Variants in ACSL3 observed in about 807,000 individuals in gnomAD.
ACSL3 encodes acyl-CoA synthetase long chain family member 3.
Under a neutral mutation model 84.7 loss-of-function variants are expected in ACSL3, and 34 were observed. The ratio of observed to expected loss-of-function variants is 0.40; its 90% confidence interval spans 0.31 to 0.53. ACSL3 has a LOEUF of 0.53. Among genes scored for constraint, ACSL3 ranks in the 20% least tolerant of loss-of-function variants. ACSL3 has a pLI of 0.48. For missense variants in ACSL3, 680 were observed against 873.1 expected, an observed-to-expected ratio of 0.78 and a Z score of 2.79; for synonymous variants, 315 against 299.4, an observed-to-expected ratio of 1.05 and a Z score of -0.54.
In ACSL3 at chr2:222,916,426, C is replaced by A; in HGVS notation, c.486C>A (p.Ile162=). Residue 162 remains isoleucine, a synonymous_variant, in exon 5 of 17, where the codon ATC becomes ATA. Coordinates refer to ENST00000357430, the MANE Select transcript of ACSL3 (RefSeq NM_004457.5). ...TGGGTCAGAAACCAAAGACCAACAT[C>A]GCCATCTTCTGTGAGACCAGGGCCG... ...QMLGQKPKTN[I]AIFCETRAEW... The A allele has an allele frequency of 3.1e-6, 5 of 1,614,040 alleles. No homozygotes were observed. The highest frequency in any genetic ancestry group is 4.2e-6 in the Non-Finnish European group (5 of 1,179,956).
rs567598185 is a variant in ACSL3, at chr2:222,883,834, G to C, written c.-206-3996G>C. On this transcript the variant is annotated intron_variant, in intron 1 of 16. Coordinates refer to ENST00000357430, the MANE Select transcript of ACSL3 (RefSeq NM_004457.5). Reference sequence around the variant, plus strand: ...CTTTTGCTCTTCTTTATCTGGAAAAGAGTCTCCACCTCATTTTCTGACACT... The same window carrying C: ...CTTTTGCTCTTCTTTATCTGGAAAACAGTCTCCACCTCATTTTCTGACACT... Among the ~76,000 whole-genome samples the C allele has an allele frequency of 2.4e-4, 37 of 152,100 alleles. 1 individual carries two copies. In the South Asian group the frequency reaches 7.0e-3, roughly 29 times the overall value.
intron 1 of ACSL3, among the ~76,000 whole-genome samples, chr2:222,870,061 G>A (rs1195991600): frequency 6.6e-6 from 1 of 151,714 alleles, no homozygotes; most frequent in Non-Finnish European, 1.5e-5. Flanking sequence ...TGAGACTGGT[G>A]GTGTGGCATT....
In ACSL3 at chr2:222,903,021, C is replaced by T. The variant is rs980045954; in HGVS notation, c.-41+2241C>T. On this transcript the variant is annotated intron_variant, in intron 3 of 16. Transcript: ENST00000357430. ...GCCTCCAGCCTCTATCAATATGGTA[C>T]TACAAATAGAAGGAAGAAAAAAAAG... is the stretch of plus-strand genomic sequence containing the variant. Among the ~76,000 whole-genome samples, 21 of 151,950 alleles carry T rather than the reference C, an allele frequency of 1.4e-4. 1 individual carries two copies. Among genetic ancestry groups the T allele is most frequent in the Admixed American group, 2.6e-4 (4 of 15,256 alleles).
rs765995360 is a variant in ACSL3, at chr2:222,901,943, CAAA to C, written c.-41+1182_-41+1184del. Among the ~76,000 whole-genome samples, 30 of 12,386 alleles carry C rather than the reference CAAA, an allele frequency of 2.4e-3. 1 individual carries two copies. Among genetic ancestry groups the C allele is most frequent in the African/African-American group, 0.013 (20 of 1,528 alleles). The allele number at this position is 12,386 out of a possible 152,430, so 8.1% of individuals were successfully genotyped here. On this transcript the variant is annotated intron_variant, in intron 3 of 16. Coordinates refer to ENST00000357430, the MANE Select transcript of ACSL3 (RefSeq NM_004457.5). ...TGGGTGACAGAGTGAGACTCGGTCT[CAAA>C]AAAAAAAAAAAAAAAAAAGAACTCA...
At chr2:222,933,024 AACCAT>A (rs1452580954) in intron 14 of ACSL3, 137 bp from the exon 15 acceptor site, 3 of 529,088 alleles carry the variant, frequency 5.7e-6, no homozygotes, top group Non-Finnish European at 1.0e-5. Flanking sequence ...ATTTCAGCAT[AACCAT>A]TAATGCTTAA....
chr2:222,933,169 G>A lies in ACSL3; in HGVS notation c.1736G>A (p.Arg579His), dbSNP rs1413997845. The change falls in exon 15 of 17, where the codon CGT becomes CAT. Residue 579 changes from arginine (R) to histidine (H), a missense_variant. Arg to His is a conservative substitution (Grantham distance 29). Around this residue, in one of 2 missense-constraint regions of ACSL3, gnomAD observed 347 missense variants for 525.7 expected, o/e 0.66. Transcript: ENST00000357430. ...TCCACCTTTCTTTGTTTTGCAGATC[G>A]TAAAAAGGACCTTGTAAAACTACAG... ...EPDGCLKIID[R>H]KKDLVKLQAG... 1.9e-6 allele frequency: 3 copies of A among 1,608,756 alleles called. No homozygotes were observed. Among genetic ancestry groups the A allele is most frequent in the Non-Finnish European group, 2.5e-6 (3 of 1,176,690 alleles).
chr2:222,906,920 T>G (rs1171246472), intron 3 of ACSL3, among the ~76,000 whole-genome samples: 1 of 152,210 alleles, frequency 6.6e-6, no homozygotes, highest in Non-Finnish European at 1.5e-5. Context: ...AATGTCTGTG[T>G]TGTTTTTGAC....
intron 2 of ACSL3, among the ~76,000 whole-genome samples, chr2:222,895,210 C>T (rs1695943835): frequency 6.6e-6 from 1 of 152,174 alleles, no homozygotes; most frequent in Non-Finnish European, 1.5e-5. Context: ...ACCTTCCTTT[C>T]TGCCTCCCTC....
chr2:222,941,748 T>G lies in ACSL3; in HGVS notation c.*94T>G. 1 of 1,354,744 alleles carries G rather than the reference T, an allele frequency of 7.4e-7. No homozygotes were observed. The highest frequency in any genetic ancestry group is 1.0e-6 in the Non-Finnish European group (1 of 1,002,494). 83.9% of individuals were successfully genotyped at this position (1,354,744 alleles called of 1,614,324 possible). A position where few individuals can be genotyped will look rare whatever the true frequency, so the allele number is the denominator to read the frequency against. On this transcript the variant is annotated 3_prime_UTR_variant, in exon 17 of 17. Coordinates refer to ENST00000357430, the MANE Select transcript of ACSL3 (RefSeq NM_004457.5). ...TCTCAAGCTGCAAGGCAAACTCCAT[T>G]CCTCATATTAAACTATTACTTCTCA... is the stretch of plus-strand genomic sequence containing the variant.
intron 2 of ACSL3, among the ~76,000 whole-genome samples, chr2:222,893,668 T>A (rs967740502): frequency 7.9e-5 from 12 of 152,152 alleles, no homozygotes; most frequent in Admixed American, 1.3e-4. Flanking sequence ...TTTTCTTCCT[T>A]CTCTTTTCTT....
In ACSL3 at chr2:222,936,104, C is replaced by T. The variant is rs1227166368; in HGVS notation, c.2005+1417C>T. On this transcript the variant is annotated intron_variant, in intron 16 of 16. Transcript: ENST00000357430. Reference sequence around the variant, plus strand: ...GATAGGATTTTTCTTTTTTAGGTTGCGTAATACTCCATTGTATGTATATTG... The same window carrying T: ...GATAGGATTTTTCTTTTTTAGGTTGTGTAATACTCCATTGTATGTATATTG... Among the ~76,000 whole-genome samples, 6 of 151,986 alleles carry T rather than the reference C, an allele frequency of 3.9e-5. No homozygotes were observed. The East Asian group carries it at 1.2e-3, about 29-fold the overall frequency.
At chr2:222,921,531 A>G in intron 8 of ACSL3, 101 bp downstream of exon 8, 3 of 1,215,696 alleles carry the variant, frequency 2.5e-6, no homozygotes, top group South Asian at 4.4e-5. Context: ...TTAGTCCCTC[A>G]GAGTCTGTTT....
At chr2:222,934,734 G>C (rs1697130188) in intron 16 of ACSL3, 47 bp downstream of exon 16, 2 of 1,571,008 alleles carry the variant, frequency 1.3e-6, no homozygotes, top group Admixed American at 3.8e-5. Flanking sequence ...TGGGAAGAGA[G>C]TACTTACATG....
rs542262128 is a variant in ACSL3, at chr2:222,908,823, C to T, written c.51C>T (p.Thr17=). The T allele has an allele frequency of 8.7e-5, 140 of 1,605,378 alleles. No individual in the cohort carries two copies. The highest frequency in any genetic ancestry group is 1.1e-4 in the Non-Finnish European group (125 of 1,175,972). The change falls in exon 4 of 17, where the codon ACC becomes ACT. Residue 17 remains threonine (T), a synonymous_variant. Transcript: ENST00000357430. ...SKPSTMKLKH[T]INPILLYFIH... ...CATCTACCATGAAGCTAAAACATAC[C>T]ATCAACCCTATTCTTTTATATTTTA... is the stretch of plus-strand genomic sequence containing the variant.
intron 1 of ACSL3, among the ~76,000 whole-genome samples, chr2:222,880,248 AAAAC>A (rs1201112440): frequency 6.6e-6 from 1 of 152,218 alleles, no homozygotes; most frequent in African/African-American, 2.4e-5. Context: ...ATAAGCATAC[AAAAC>A]AAACACGTAA....
At chr2:222,925,043 A>T (rs980125129) in intron 11 of ACSL3, among the ~76,000 whole-genome samples, 11 of 151,890 alleles carry the variant, frequency 7.2e-5, no homozygotes, top group African/African-American at 2.7e-4. Flanking sequence ...AAAAAAAAAA[A>T]AAATCCATCC....
intron 7 of ACSL3, among the ~76,000 whole-genome samples, chr2:222,919,891 C>T (rs1290301545): frequency 6.6e-6 from 1 of 152,012 alleles, no homozygotes; most frequent in South Asian, 2.1e-4. Context: ...GTCTAGTACT[C>T]GAGTTATGTT....
In ACSL3 at chr2:222,891,059, C is replaced by T. The variant is rs564423027; in HGVS notation, c.-148+3171C>T. On this transcript the variant is annotated intron_variant, in intron 2 of 16. Transcript: ENST00000357430. ...GGTTCATGTAATGCCAAATGTAGTA[C>T]GTAGCTGGATTGAGTTGGAATTATG... Among the ~76,000 whole-genome samples the T allele has an allele frequency of 1.3e-4, 20 of 152,296 alleles. No individual in the cohort carries two copies. The South Asian group carries it at 3.1e-3, about 24-fold the overall frequency.
intron 16 of ACSL3, among the ~76,000 whole-genome samples, 197 bp downstream of exon 16, chr2:222,934,884 T>A (rs887727476): frequency 6.6e-6 from 1 of 152,240 alleles, no homozygotes; most frequent in African/African-American, 2.4e-5. Flanking sequence ...CAAACTGATG[T>A]ACATGTATCT....
Sources: gnomAD v4.1 joint callset for allele counts (sites outside exome capture counted in the v4.1 genomes callset) on GRCh38, gnomAD v4.1.1 for gene constraint, gnomAD v4.1.1 regional missense constraint, MANE v1.5 for transcripts, NCBI Gene and HGNC (gene_info 2026-07-23, HGNC 2026-07-21) for gene names.